SLC7A2: variants seen among roughly 807,000 people sequenced by gnomAD.
SLC7A2 encodes the protein solute carrier family 7 member 2.
SLC7A2 carries 48 observed loss-of-function variants against 58.9 expected under a neutral mutation model. The observed-to-expected ratio is 0.82, with a 90% CI of 0.65 to 1.04. The LOEUF is 1.04. SLC7A2 is among the 50% of genes least tolerant of loss of function. SLC7A2 has a pLI of 0.00. For missense variants in SLC7A2, 1,029 were observed against 818.8 expected, an observed-to-expected ratio of 1.26 and a Z score of -3.13; for synonymous variants, 363 against 314.5, an observed-to-expected ratio of 1.15 and a Z score of -1.63.
intron 8 of SLC7A2, among the ~76,000 whole-genome samples, chr8:17,556,507 T>G (rs1415821164): frequency 6.6e-6 from 1 of 152,072 alleles, no homozygotes; most frequent in East Asian, 1.9e-4. Context: ...TCAGAGCGCT[T>G]GTGTGGACAA....
chr8:17,524,058 C>A (rs979600928), intron 2 of SLC7A2, among the ~76,000 whole-genome samples: 2 of 152,018 alleles, frequency 1.3e-5, no homozygotes, highest in African/African-American at 4.8e-5. Context: ...AATGCAATAC[C>A]ACCTCACTCC....
chr8:17,541,703 T>C (rs1428003709), intron 2 of SLC7A2, among the ~76,000 whole-genome samples: 1 of 152,220 alleles, frequency 6.6e-6, no homozygotes, highest in African/African-American at 2.4e-5. Flanking sequence ...ATTTTTGATA[T>C]TTCTTTTGCA....
intron 4 of SLC7A2, among the ~76,000 whole-genome samples, chr8:17,547,399 TG>T (rs1802224355): frequency 1.3e-5 from 2 of 152,026 alleles, no homozygotes; most frequent in African/African-American, 4.8e-5. Flanking sequence ...CCATGATACA[TG>T]GGGATTATGG....
At chr8:17,495,703 C>T (rs1585166079), upstream of SLC7A2, among the ~76,000 whole-genome samples, 1 of 152,308 alleles carries the variant, frequency 6.6e-6, no homozygotes, top group Middle Eastern at 3.4e-3. Flanking sequence ...GCGCCCGCCG[C>T]CGCGCCCGGC....
At chr8:17,542,505 C>T (rs1432864231) in intron 2 of SLC7A2, among the ~76,000 whole-genome samples, 2 of 152,068 alleles carry the variant, frequency 1.3e-5, no homozygotes, top group African/African-American at 4.8e-5. Context: ...AAAGAAGTTA[C>T]CCGAGCGTGG....
chr8:17,560,903 T>TTA (rs1265291665), intron 10 of SLC7A2, among the ~76,000 whole-genome samples: 3 of 152,176 alleles, frequency 2.0e-5, no homozygotes, highest in African/African-American at 7.2e-5. Flanking sequence ...CCTTGTTTGT[T>TTA]TACCCACAGT....
At chr8:17,527,306 C>A (rs918831848) in intron 2 of SLC7A2, among the ~76,000 whole-genome samples, 6 of 152,084 alleles carry the variant, frequency 3.9e-5, no homozygotes, top group Non-Finnish European at 8.8e-5. Flanking sequence ...CGACTACAAA[C>A]CAAATATAAA....
intron 8 of SLC7A2, among the ~76,000 whole-genome samples, chr8:17,556,736 G>A (rs748432176): frequency 2.6e-5 from 4 of 151,954 alleles, no homozygotes; most frequent in African/African-American, 4.8e-5. Context: ...AGCCTCCTGA[G>A]TAGCTCTGAT....
chr8:17,551,982 A>G lies in SLC7A2; in HGVS notation c.1051A>G (p.Thr351Ala), dbSNP rs761451882. The G allele has an allele frequency of 1.9e-6, 3 of 1,613,940 alleles. No individual in the cohort carries two copies. The highest frequency in any genetic ancestry group is 2.5e-6 in the Non-Finnish European group (3 of 1,179,852). ...AGCTGGTTCTCTCTGCGCCTTGTCA[A>G]CAAGGTACATTGCATCGCCTTTGGG... The part of the protein sequence containing the change: ...VAAGSLCALS[T>A]SLLGSIFPMP... Residue 351 changes from threonine to alanine, a missense_variant, in exon 7 of 13, where the codon ACA becomes GCA. Physicochemically the swap from Thr to Ala is moderately conservative, Grantham distance 58 (BLOSUM62 0). Transcript: ENST00000494857.
upstream of SLC7A2, among the ~76,000 whole-genome samples, chr8:17,496,867 G>A (rs1799971388): frequency 6.6e-6 from 1 of 151,948 alleles, no homozygotes; most frequent in East Asian, 1.9e-4. Context: ...CACCGGCCTA[G>A]CCCGGGGCTA....
intron 2 of SLC7A2, among the ~76,000 whole-genome samples, chr8:17,534,553 A>C (rs548552901): frequency 5.9e-5 from 9 of 152,280 alleles, no homozygotes; most frequent in Admixed American, 5.9e-4. Context: ...TGAAAATATC[A>C]TGCCAAATAT....
chr8:17,536,125 G>C (rs1466871787), intron 2 of SLC7A2, among the ~76,000 whole-genome samples: 3 of 144,166 alleles, frequency 2.1e-5, no homozygotes, highest in Non-Finnish European at 4.6e-5. Context: ...AAAAAAAAAA[G>C]TTTTAAATGT....
At chr8:17,539,639 A>G (rs1457287090) in intron 2 of SLC7A2, among the ~76,000 whole-genome samples, 2 of 152,164 alleles carry the variant, frequency 1.3e-5, no homozygotes, top group Non-Finnish European at 2.9e-5. Context: ...TGAGTTTTGT[A>G]TGGGCCACTT....
intron 10 of SLC7A2, 131 bp downstream of exon 10, chr8:17,560,664 C>A: frequency 7.1e-6 from 5 of 699,700 alleles, no homozygotes; most frequent in Non-Finnish European, 1.3e-5. Context: ...GAAATTTTCA[C>A]CTAAAGCATC....
chr8:17,556,418 A>G (rs1305130987), intron 8 of SLC7A2, among the ~76,000 whole-genome samples: 3 of 152,164 alleles, frequency 2.0e-5, no homozygotes, highest in Non-Finnish European at 4.4e-5. Flanking sequence ...TAATTATAAT[A>G]GACCACTTTT....
At chr8:17,509,850 G>T (rs1800529007) in intron 2 of SLC7A2, among the ~76,000 whole-genome samples, 1 of 152,046 alleles carries the variant, frequency 6.6e-6, no homozygotes, top group Admixed American at 6.6e-5. Context: ...GAAATTCTGG[G>T]TTCGGAAGAA....
chr8:17,558,310 T>C lies in SLC7A2; in HGVS notation c.1211T>C (p.Leu404Pro). ...CTCCCCCTAGCTTTGATGGCCTTTC[T>C]GTTTGACCTGAAGGCGCTTGTGGAC... The part of the protein sequence containing the change: ...SGAVAALMAF[L>P]FDLKALVDMM... The change falls in exon 9 of 13, where the codon CTG becomes CCG. Residue 404 changes from leucine to proline, a missense_variant. Physicochemically the swap from Leu to Pro is moderately conservative, Grantham distance 98. Transcript: ENST00000494857. 1.2e-6 allele frequency: 2 copies of C among 1,612,852 alleles called. No homozygotes were observed. The highest frequency in any genetic ancestry group is 1.7e-6 in the Non-Finnish European group (2 of 1,179,038).
chr8:17,536,693 A>G (rs1399604397), intron 2 of SLC7A2, among the ~76,000 whole-genome samples: 1 of 152,258 alleles, frequency 6.6e-6, no homozygotes, highest in African/African-American at 2.4e-5. Flanking sequence ...GAGTTATTCT[A>G]TCACGGAAAC....
intron 2 of SLC7A2, among the ~76,000 whole-genome samples, chr8:17,536,954 G>T (rs939459857): frequency 6.6e-6 from 1 of 152,192 alleles, no homozygotes. Flanking sequence ...AAGGCCTGGG[G>T]GGACAGAAAA....
Sources: gnomAD v4.1 joint callset for allele counts (sites outside exome capture counted in the v4.1 genomes callset) on GRCh38, gnomAD v4.1.1 for gene constraint, MANE v1.5 for transcripts, NCBI Gene and HGNC (gene_info 2026-07-23, HGNC 2026-07-21) for gene names.